Variants in TBC1D16 observed in about 807,000 individuals in gnomAD.
TBC1D16 encodes CTD-2529O21.1.
TBC1D16 carries 58 observed loss-of-function variants against 74.7 expected under a neutral mutation model. That is an observed-to-expected ratio of 0.78 (90% confidence interval 0.63 to 0.97). TBC1D16 has a LOEUF of 0.97. Among genes scored for constraint, TBC1D16 ranks in the 50% least tolerant of loss-of-function variants. The probability of loss-of-function intolerance (pLI) is 0.00; values close to 1 mark genes in which losing one functional copy is unlikely to be tolerated. For synonymous variants in TBC1D16, 493 were observed against 474.7 expected (o/e 1.04, Z -0.50); for missense variants, 1,014 against 1,079.5 (o/e 0.94, Z 0.85).
rs547255893 is a variant in TBC1D16, at chr17:79,952,892, G to A, written c.780-74C>T. 38 of 1,519,634 alleles carry A rather than the reference G, an allele frequency of 2.5e-5. No homozygotes were observed. In the South Asian group the frequency reaches 4.2e-4, roughly 17 times the overall value. The allele number at this position is 1,519,634 out of a possible 1,614,324, so 94.1% of individuals were successfully genotyped here. ...CTACCCAGAGGGGGACGGGGGTCAT[G>A]GGGGAGTCATTTAAACCTACGCACC... On this transcript the variant is annotated intron_variant, in intron 3 of 11. Coordinates refer to ENST00000310924, the MANE Select transcript of TBC1D16 (RefSeq NM_019020.4).
intron 1 of TBC1D16, among the ~76,000 whole-genome samples, chr17:80,022,455 G>A (rs1439616501): frequency 1.3e-5 from 2 of 149,578 alleles, no homozygotes; most frequent in Non-Finnish European, 2.9e-5. Flanking sequence ...TCCTGCCTCA[G>A]ACTCCCGAGT....
chr17:79,996,915 C>T (rs138220126), intron 3 of TBC1D16, among the ~76,000 whole-genome samples: 2 of 152,258 alleles, frequency 1.3e-5, no homozygotes, highest in Non-Finnish European at 2.9e-5. Flanking sequence ...TCCATCAGTC[C>T]GTGAGCGCGT....
chr17:79,947,673 G>T lies in TBC1D16; in HGVS notation c.1700C>A (p.Pro567His), dbSNP rs748469429. 6.2e-7 allele frequency: 1 copy of T among 1,614,126 alleles called. No individual in the cohort carries two copies. The highest frequency in any genetic ancestry group is 1.1e-5 in the South Asian group (1 of 91,084). ...TTGTTTCTCCATGTCCTCGTCCCGG[G>T]GTGAGCTGACGAAGATCGTGTTCTG... ...LMQNTIFVSS[P>H]RDEDMEKQLL... Residue 567 changes from proline to histidine, a missense_variant, in exon 9 of 12, where the codon CCC becomes CAC. By Grantham distance (77) the Pro-to-His change is moderately conservative. Transcript: ENST00000310924.
chr17:80,029,005 A>C (rs2036684054), intron 1 of TBC1D16, among the ~76,000 whole-genome samples: 1 of 152,194 alleles, frequency 6.6e-6, no homozygotes, highest in Non-Finnish European at 1.5e-5. Context: ...TCGAAAGGAA[A>C]GAACAACTTG....
In TBC1D16 at chr17:79,988,500, A is replaced by G. The variant is rs778645858; in HGVS notation, c.779+21660T>C. Among the ~76,000 whole-genome samples the G allele has an allele frequency of 6.6e-6, 1 of 152,270 alleles. No individual in the cohort carries two copies. The highest frequency in any genetic ancestry group is 2.4e-5 in the African/African-American group (1 of 41,478). On this transcript the variant is annotated intron_variant, in intron 3 of 11. Coordinates refer to ENST00000310924, the MANE Select transcript of TBC1D16 (RefSeq NM_019020.4). This position sits in a 1 kb window ranked among gnomAD's most constrained non-coding sequence, Gnocchi z 5.7. ...ACGGAAGCTGCCCAATCATAAGACC[A>G]TGGCTGAAAGTCAAACGCGCCCAGA...
chr17:79,942,211 G>A lies in TBC1D16; in HGVS notation c.1909-5C>T. The A allele has an allele frequency of 6.3e-7, 1 of 1,585,814 alleles. No homozygotes were observed. The highest frequency in any genetic ancestry group is 8.6e-7 in the Non-Finnish European group (1 of 1,165,510). ...GAAAAGGTGGAAGTAGTCCGTCTGTGGAGGCGGGTAGAGTTCAGACACGGG... is the reference window on the plus strand; with the variant it reads ...GAAAAGGTGGAAGTAGTCCGTCTGTAGAGGCGGGTAGAGTTCAGACACGGG... On this transcript the variant is annotated splice_region_variant and splice_polypyrimidine_tract_variant and intron_variant, in intron 10 of 11. Coordinates refer to ENST00000310924, the MANE Select transcript of TBC1D16 (RefSeq NM_019020.4).
chr17:79,991,177 G>C (rs2035043487), intron 3 of TBC1D16, among the ~76,000 whole-genome samples: 1 of 152,218 alleles, frequency 6.6e-6, no homozygotes, highest in Admixed American at 6.5e-5. Context: ...AGCCACCCTG[G>C]AGACCCAGCT....
chr17:80,013,239 T>C, intron 2 of TBC1D16, 128 bp downstream of exon 2: 1 of 907,440 alleles, frequency 1.1e-6, no homozygotes, highest in Non-Finnish European at 1.6e-6. Context: ...GGACAGCTGC[T>C]GTTAGTTACA....
At chr17:79,960,779 C>CAAAAAAAAAAAAAAACAAAAAAAA (rs2033560938) in intron 3 of TBC1D16, among the ~76,000 whole-genome samples, 4 of 33,948 alleles carry the variant, frequency 1.2e-4, no homozygotes, top group Non-Finnish European at 1.7e-4. Flanking sequence ...AACAAAAACC[C>CAAAAAAAAAAAAAAACAAAAAAAA]AAAAAAAAAA....
At chr17:80,025,439 G>A (rs576643075) in intron 1 of TBC1D16, among the ~76,000 whole-genome samples, 1 of 150,214 alleles carries the variant, frequency 6.7e-6, no homozygotes, top group Non-Finnish European at 1.5e-5. Context: ...GCGGCAGGAA[G>A]TGCAGGCTCT....
intron 4 of TBC1D16, 52 bp from the exon 5 acceptor site, chr17:79,951,649 G>A (rs1447438212): frequency 1.3e-5 from 21 of 1,585,200 alleles, no homozygotes; most frequent in Middle Eastern, 1.9e-4. Flanking sequence ...ATGTAAACAC[G>A]GGGGTTTTAT....
rs1184340977 is a variant in TBC1D16, at chr17:79,935,147, A to C, written c.*5712T>G. On this transcript the variant is annotated 3_prime_UTR_variant, in exon 12 of 12. Coordinates refer to ENST00000310924, the MANE Select transcript of TBC1D16 (RefSeq NM_019020.4). ...CTTTTCCTGAAACCAGAGCCCCGGCAGCCAAGGCTCAATAAAATACTGTTT... is the reference window on the plus strand; with the variant it reads ...CTTTTCCTGAAACCAGAGCCCCGGCCGCCAAGGCTCAATAAAATACTGTTT... 3 of 152,280 alleles carry C rather than the reference A, an allele frequency of 2.0e-5. No homozygotes were observed. The highest frequency in any genetic ancestry group is 6.5e-5 in the Admixed American group (1 of 15,294). 9.4% of individuals were successfully genotyped at this position (152,280 alleles called of 1,614,324 possible).
At position 80,035,088 on chromosome 17, in the gene TBC1D16, G is replaced by T. The variant is rs1237382246; in HGVS notation, c.-63+707C>A. On this transcript the variant is annotated intron_variant, in intron 1 of 11. Coordinates refer to ENST00000310924, the MANE Select transcript of TBC1D16 (RefSeq NM_019020.4). This position sits in a 1 kb window ranked among gnomAD's most constrained non-coding sequence, Gnocchi z 5.3. The stretch of plus-strand genomic sequence containing the variant: ...CTGAATCAAATCTGAACTACTTTGT[G>T]GCCAATATACGACACCAGCTTCCGA... Among the ~76,000 whole-genome samples, 2 of 152,160 alleles carry T rather than the reference G, an allele frequency of 1.3e-5. No homozygotes were observed. Among genetic ancestry groups the T allele is most frequent in the Non-Finnish European group, 2.9e-5 (2 of 68,030 alleles).
rs989080348 is a variant in TBC1D16 at position 79,940,253 on chromosome 17, C to G, written c.*606G>C. The G allele has an allele frequency of 6.6e-6, 1 of 152,238 alleles. No individual in the cohort carries two copies. Among genetic ancestry groups the G allele is most frequent in the Non-Finnish European group, 1.5e-5 (1 of 68,048 alleles). The allele number at this position is 152,238 out of a possible 1,614,324, so 9.4% of individuals were successfully genotyped here. A position where few individuals can be genotyped will look rare whatever the true frequency, so the allele number is the denominator to read the frequency against. On this transcript the variant is annotated 3_prime_UTR_variant, in exon 12 of 12. Coordinates refer to ENST00000310924, the MANE Select transcript of TBC1D16 (RefSeq NM_019020.4). The surrounding 1 kb of genome is among the most constrained non-coding windows in gnomAD (Gnocchi z 5.4). Reference sequence around the variant, plus strand: ...CTGACTGCTCTTCCGCCTCTCTATCCCCACATCGGTTGGGCTTTTTATCTT... The same window carrying G: ...CTGACTGCTCTTCCGCCTCTCTATCGCCACATCGGTTGGGCTTTTTATCTT...
chr17:79,966,838 A>G (rs6565635), intron 3 of TBC1D16, among the ~76,000 whole-genome samples: 102,536 of 152,038 alleles, frequency 0.67, 35,359 homozygotes, highest in African/African-American at 0.83. Flanking sequence ...CCAACAACAT[A>G]TAAGAAGAGT....
rs368366563 is a variant in TBC1D16, at chr17:79,971,049, G to A, written c.780-18231C>T. Among the ~76,000 whole-genome samples, 1 of 150,974 alleles carries A rather than the reference G, an allele frequency of 6.6e-6. No homozygotes were observed. Among genetic ancestry groups the A allele is most frequent in the African/African-American group, 2.4e-5 (1 of 41,002 alleles). ...ATTTTTTATTTTTTTTTGAGATGGA[G>A]TCTGTCTCCATTGCCCAGGCTGGAG... is the stretch of plus-strand genomic sequence containing the variant. On this transcript the variant is annotated intron_variant, in intron 3 of 11. Transcript: ENST00000310924. The surrounding 1 kb of genome is among the most constrained non-coding windows in gnomAD (Gnocchi z 4.6).
chr17:79,998,125 CAAAA>C (rs901486919), intron 3 of TBC1D16, among the ~76,000 whole-genome samples: 47 of 51,980 alleles, frequency 9.0e-4, no homozygotes, highest in African/African-American at 2.7e-3. Flanking sequence ...AACTCTGTCT[CAAAA>C]AAAAAAAAAA....
chr17:80,001,106 T>C lies in TBC1D16; in HGVS notation c.779+9054A>G, dbSNP rs962557058. 6.6e-6 allele frequency among the ~76,000 whole-genome samples: 1 copy of C among 152,242 alleles called. No homozygotes were observed. The highest frequency in any genetic ancestry group is 6.5e-5 in the Admixed American group (1 of 15,286). ...CAGTGAGACTGCTGGGGCGAGGCTA[T>C]GTCCTGTGGCCATTTCTAGACTGAC... On this transcript the variant is annotated intron_variant, in intron 3 of 11. Transcript: ENST00000310924. The surrounding 1 kb of genome is among the most constrained non-coding windows in gnomAD (Gnocchi z 5.8).
chr17:80,015,966 A>T (rs563117859), intron 1 of TBC1D16, among the ~76,000 whole-genome samples: 1 of 146,568 alleles, frequency 6.8e-6, no homozygotes, highest in Non-Finnish European at 1.5e-5. Flanking sequence ...AGCCGAGATC[A>T]CGCCACTGCA....
Sources: gnomAD v4.1 joint callset for allele counts (sites outside exome capture counted in the v4.1 genomes callset) on GRCh38, gnomAD v4.1.1 for gene constraint, Gnocchi (gnomAD v3.1) non-coding constraint, MANE v1.5 for transcripts, NCBI Gene and HGNC (gene_info 2026-07-23, HGNC 2026-07-21) for gene names.